The following FAM222B variants were observed in gnomAD, a reference collection of about 807,000 sequenced individuals.
The protein encoded by FAM222B is family with sequence similarity 222 member B.
A neutral mutation model predicts 38.0 loss-of-function variants in FAM222B; 12 were observed. The observed-to-expected ratio is 0.32, with a 90% CI of 0.20 to 0.51. The LOEUF (loss-of-function observed/expected upper bound fraction) is 0.51. FAM222B is among the 20% of genes least tolerant of loss of function. FAM222B has a pLI of 0.97. For synonymous variants in FAM222B, 329 were observed against 317.2 expected (o/e 1.04, Z -0.40); for missense variants, 716 against 754.2 (o/e 0.95, Z 0.59).
At chr17:28,832,614 T>G (rs1476441917) in intron 1 of FAM222B, among the ~76,000 whole-genome samples, 2 of 152,214 alleles carry the variant, frequency 1.3e-5, no homozygotes, top group Non-Finnish European at 2.9e-5. Flanking sequence ...CATTACACCC[T>G]AAAGACCTCT....
At chr17:28,820,907 TGGGATTACA>T (rs2038190923) in intron 1 of FAM222B, among the ~76,000 whole-genome samples, 1 of 152,058 alleles carries the variant, frequency 6.6e-6, no homozygotes, top group East Asian at 1.9e-4. Context: ...TCCAAAGTGC[TGGGATTACA>T]GGAGTGAGCC....
At chr17:28,837,347 G>A (rs2038878743) in intron 1 of FAM222B, among the ~76,000 whole-genome samples, 1 of 149,036 alleles carries the variant, frequency 6.7e-6, no homozygotes, top group South Asian at 2.1e-4. Flanking sequence ...GGAGAATGGC[G>A]TGAACCCGGG....
At chr17:28,785,871 C>T (rs1280309665) in intron 1 of FAM222B, among the ~76,000 whole-genome samples, 1 of 152,156 alleles carries the variant, frequency 6.6e-6, no homozygotes, top group East Asian at 1.9e-4. Flanking sequence ...CCATGCCCTG[C>T]TAATTTTTTT....
At chr17:28,854,820 A>C (rs926604230) in intron 1 of FAM222B, 25 of 498,662 alleles carry the variant, frequency 5.0e-5, no homozygotes, top group African/African-American at 4.7e-4. Context: ...GGGAGTCCAA[A>C]ACTACCGTCA....
chr17:28,815,214 C>CTT (rs71135857), intron 1 of FAM222B, among the ~76,000 whole-genome samples: 1 of 143,750 alleles, frequency 7.0e-6, no homozygotes, highest in South Asian at 2.2e-4. Context: ...TTTATTACAT[C>CTT]TTTTTTTTTT....
chr17:28,853,180 T>G (rs1598072010), intron 1 of FAM222B, among the ~76,000 whole-genome samples: 3 of 127,396 alleles, frequency 2.4e-5, no homozygotes, highest in South Asian at 2.5e-4. Context: ...GCAACAAGAG[T>G]GAAACTCTGT....
chr17:28,822,910 T>G (rs1040002422), intron 1 of FAM222B, among the ~76,000 whole-genome samples: 1 of 127,474 alleles, frequency 7.8e-6, no homozygotes, highest in African/African-American at 3.0e-5. Flanking sequence ...AATATAGAAT[T>G]AGCCAGGCGT....
At chr17:28,778,777 C>G (rs1404684647) in intron 1 of FAM222B, among the ~76,000 whole-genome samples, 1 of 126,504 alleles carries the variant, frequency 7.9e-6, no homozygotes, top group Non-Finnish European at 1.6e-5. Flanking sequence ...GTTGCCCAGC[C>G]TGGTCTTGAA....
At chr17:28,846,202 CAA>C (rs35170639), upstream of FAM222B, among the ~76,000 whole-genome samples, 1 of 120,682 alleles carries the variant, frequency 8.3e-6, no homozygotes, top group African/African-American at 3.3e-5. Context: ...GACTCCATCT[CAA>C]AAAAAAAAAA....
In FAM222B at chr17:28,795,805, A is replaced by T. The variant is rs551898677; in HGVS notation, c.-40-29098T>A. 1.5e-3 allele frequency among the ~76,000 whole-genome samples: 234 copies of T among 152,264 alleles called. 1 individual carries two copies. Among genetic ancestry groups the T allele is most frequent in the African/African-American group, 5.5e-3 (227 of 41,560 alleles). On this transcript the variant is annotated intron_variant, in intron 1 of 2. Coordinates refer to ENST00000581407, the MANE Select transcript of FAM222B (RefSeq NM_001077498.3). ...ATTTAAAACGCAATCAGAAAACCAG[A>T]TTGTACCTTGCCAATTACTATAATC...
At chr17:28,767,547 C>G (rs2035401399) in intron 1 of FAM222B, among the ~76,000 whole-genome samples, 1 of 152,230 alleles carries the variant, frequency 6.6e-6, no homozygotes, top group Admixed American at 6.5e-5. Context: ...ACAATTTTGG[C>G]TCACTGCAAC....
At chr17:28,770,642 C>T (rs74707241) in intron 1 of FAM222B, among the ~76,000 whole-genome samples, 14 of 151,282 alleles carry the variant, frequency 9.3e-5, no homozygotes, top group African/African-American at 1.5e-4. Context: ...GCCTTCTCGG[C>T]GGCTACAATG....
chr17:28,825,960 G>A (rs1193126341), intron 1 of FAM222B, among the ~76,000 whole-genome samples: 1 of 152,066 alleles, frequency 6.6e-6, no homozygotes, highest in Admixed American at 6.6e-5. Context: ...TAAAAGTAGA[G>A]ATGGGGTTTT....
intron 1 of FAM222B, among the ~76,000 whole-genome samples, chr17:28,797,400 TAAA>T (rs1811482733): frequency 6.6e-6 from 1 of 152,154 alleles, no homozygotes; most frequent in African/African-American, 2.4e-5. Context: ...GCTCCAGAGA[TAAA>T]AAATAAGTTA....
chr17:28,768,471 GT>G (rs1165633965), intron 1 of FAM222B, among the ~76,000 whole-genome samples: 2 of 151,990 alleles, frequency 1.3e-5, no homozygotes, highest in Non-Finnish European at 2.9e-5. Context: ...CACAGCGTCA[GT>G]CTTTTTAAGA....
chr17:28,769,450 G>A (rs1358336076), intron 1 of FAM222B, among the ~76,000 whole-genome samples: 5 of 151,988 alleles, frequency 3.3e-5, no homozygotes, highest in African/African-American at 4.8e-5. Context: ...CAAAGTGCTG[G>A]GATTACAGGC....
intron 1 of FAM222B, among the ~76,000 whole-genome samples, chr17:28,815,733 G>A (rs2037997152): frequency 6.6e-6 from 1 of 152,094 alleles, no homozygotes; most frequent in South Asian, 2.1e-4. Context: ...GGGTGGCTGA[G>A]ACAGGCAGAT....
chr17:28,794,512 G>T (rs1235763194), intron 1 of FAM222B, among the ~76,000 whole-genome samples: 1 of 152,032 alleles, frequency 6.6e-6, no homozygotes, highest in Non-Finnish European at 1.5e-5. Flanking sequence ...GAGCCACAGT[G>T]CCCGGCCTGT....
intron 1 of FAM222B, among the ~76,000 whole-genome samples, chr17:28,822,437 A>C (rs890126865): frequency 2.0e-5 from 3 of 150,922 alleles, no homozygotes; most frequent in African/African-American, 7.3e-5. Flanking sequence ...CAGCCTGGCC[A>C]ACATGGTGAA....
Sources: allele counts gnomAD v4.1 joint callset (sites outside exome capture counted in the v4.1 genomes callset), GRCh38; gene constraint gnomAD v4.1.1; transcripts MANE v1.5; gene names NCBI Gene and HGNC (gene_info 2026-07-23, HGNC 2026-07-21).